NKAIN3: variants seen among roughly 807,000 people sequenced by gnomAD.
The protein encoded by NKAIN3 is sodium/potassium transporting ATPase interacting 3, also known as sodium/potassium-transporting ATPase subunit beta-1-interacting protein 3.
In NKAIN3, 25 loss-of-function variants were observed where a neutral mutation model predicts 30.2. That is an observed-to-expected ratio of 0.83 (90% CI 0.60 to 1.16). The LOEUF is 1.16. Ranked by LOEUF, NKAIN3 falls within the 50% of genes most tolerant of loss-of-function variation. NKAIN3 has a pLI of 0.00. For missense variants in NKAIN3, 225 were observed against 254.1 expected, an observed-to-expected ratio of 0.89 and a Z score of 0.78; for synonymous variants, 91 against 89.6, an observed-to-expected ratio of 1.02 and a Z score of -0.09.
chr8:62,478,057 G>A (rs1395789310), intron 1 of NKAIN3, among the ~76,000 whole-genome samples: 2 of 152,138 alleles, frequency 1.3e-5, no homozygotes, highest in African/African-American at 2.4e-5. Flanking sequence ...CCCCACTCAT[G>A]ACCTAATAAC....
intron 4 of NKAIN3, among the ~76,000 whole-genome samples, chr8:62,839,295 G>T (rs1819460207): frequency 6.8e-6 from 1 of 147,232 alleles, no homozygotes; most frequent in Non-Finnish European, 1.5e-5. Context: ...TAGAGGATTT[G>T]CCTACATTAA....
At chr8:62,271,262 G>A (rs940499650) in intron 1 of NKAIN3, among the ~76,000 whole-genome samples, 2 of 152,102 alleles carry the variant, frequency 1.3e-5, no homozygotes, top group African/African-American at 4.8e-5. Flanking sequence ...CACAAATGAG[G>A]TTTTTTATTC....
At chr8:62,456,387 C>T (rs1334742066) in intron 1 of NKAIN3, among the ~76,000 whole-genome samples, 2 of 151,950 alleles carry the variant, frequency 1.3e-5, no homozygotes, top group African/African-American at 2.4e-5. Flanking sequence ...GGCGTGGTGG[C>T]GGGCGCCTGT....
intron 3 of NKAIN3, among the ~76,000 whole-genome samples, chr8:62,635,421 C>T (rs899748018): frequency 6.6e-6 from 1 of 152,154 alleles, no homozygotes; most frequent in Middle Eastern, 3.2e-3. Flanking sequence ...GGAGGGTCCT[C>T]CCTTCCACCA....
intron 1 of NKAIN3, among the ~76,000 whole-genome samples, chr8:62,439,929 T>G (rs150478930): frequency 1.1e-4 from 16 of 152,336 alleles, no homozygotes; most frequent in African/African-American, 3.8e-4. Context: ...ATAGATTTAC[T>G]TTAATCGGTT....
At chr8:62,556,938 T>G (rs1043895242) in intron 1 of NKAIN3, among the ~76,000 whole-genome samples, 1 of 152,080 alleles carries the variant, frequency 6.6e-6, no homozygotes, top group African/African-American at 2.4e-5. Context: ...AATATACTTT[T>G]AAATTTTTTT....
At chr8:62,434,239 G>A (rs906628948) in intron 1 of NKAIN3, among the ~76,000 whole-genome samples, 3 of 152,192 alleles carry the variant, frequency 2.0e-5, no homozygotes, top group Non-Finnish European at 2.9e-5. Context: ...TAGCATTTGA[G>A]CTGAGTCACA....
intron 5 of NKAIN3, among the ~76,000 whole-genome samples, chr8:62,948,347 G>A (rs112175263): frequency 0.31 from 47,326 of 151,740 alleles, 7,923 homozygotes; most frequent in African/African-American, 0.41. Context: ...TTACAGGCAC[G>A]CGCCACCACG....
intron 5 of NKAIN3, among the ~76,000 whole-genome samples, chr8:62,923,529 C>A (rs1822342148): frequency 6.6e-6 from 1 of 152,050 alleles, no homozygotes; most frequent in African/African-American, 2.4e-5. Flanking sequence ...ATTTTTAATG[C>A]AATTAGATAT....
chr8:62,959,433 G>GGT (rs35737951), intron 6 of NKAIN3, among the ~76,000 whole-genome samples: 24,727 of 143,092 alleles, frequency 0.17, 2,153 homozygotes, highest in East Asian at 0.29. Flanking sequence ...GACAAATCAG[G>GGT]GTGTGTGTGT....
At chr8:62,308,349 TA>T (rs1043951835) in intron 1 of NKAIN3, among the ~76,000 whole-genome samples, 1 of 150,188 alleles carries the variant, frequency 6.7e-6, no homozygotes, top group Non-Finnish European at 1.5e-5. Context: ...TCATTCAAGC[TA>T]ATGCATAAAG....
chr8:62,565,497 G>A (rs1222362554), intron 1 of NKAIN3, among the ~76,000 whole-genome samples: 12 of 152,034 alleles, frequency 7.9e-5, no homozygotes, highest in Admixed American at 7.2e-4. Context: ...GGGAAACCGA[G>A]GCACAGAGTT....
At chr8:62,554,619 A>G (rs1355177886) in intron 1 of NKAIN3, among the ~76,000 whole-genome samples, 1 of 152,234 alleles carries the variant, frequency 6.6e-6, no homozygotes, top group Non-Finnish European at 1.5e-5. Flanking sequence ...AATTTATTTT[A>G]AATGGTACTA....
At chr8:62,492,366 AG>A (rs1215318678) in intron 1 of NKAIN3, among the ~76,000 whole-genome samples, 4 of 152,266 alleles carry the variant, frequency 2.6e-5, no homozygotes, top group Non-Finnish European at 5.9e-5. Flanking sequence ...TAGATGCCCA[AG>A]CCCCACCTCA....
At position 62,311,723 on chromosome 8, in the gene NKAIN3, C is replaced by T. The variant is rs1173207899; in HGVS notation, c.54+62596C>T. The stretch of plus-strand genomic sequence containing the variant: ...ACGTGCCACCTGGGGCACACGAAGA[C>T]TGCGTGGGGTGCTCCTGTGTGTGAA... On this transcript the variant is annotated intron_variant, in intron 1 of 6. Coordinates refer to ENST00000623646, the MANE Select transcript of NKAIN3 (RefSeq NM_001304533.3). 2.0e-5 allele frequency among the ~76,000 whole-genome samples: 3 copies of T among 150,606 alleles called. No homozygotes were observed. In the East Asian group the frequency reaches 5.8e-4, roughly 29 times the overall value.
chr8:62,334,809 T>A (rs1160728872), intron 1 of NKAIN3, among the ~76,000 whole-genome samples: 1 of 152,050 alleles, frequency 6.6e-6, no homozygotes, highest in Non-Finnish European at 1.5e-5. Flanking sequence ...AAAATGGTTT[T>A]GTTCATAGCT....
intron 1 of NKAIN3, among the ~76,000 whole-genome samples, chr8:62,572,943 A>T (rs1171437495): frequency 1.3e-5 from 2 of 152,158 alleles, no homozygotes; most frequent in Non-Finnish European, 2.9e-5. Context: ...CTCTATATAC[A>T]TTGCTTGAGG....
intron 3 of NKAIN3, among the ~76,000 whole-genome samples, chr8:62,720,923 C>T (rs1199231322): frequency 6.6e-6 from 1 of 152,188 alleles, no homozygotes; most frequent in Non-Finnish European, 1.5e-5. Context: ...TCCAGACTTA[C>T]TTGAACTACA....
intron 1 of NKAIN3, among the ~76,000 whole-genome samples, chr8:62,456,152 C>T (rs1805809954): frequency 6.6e-6 from 1 of 152,160 alleles, no homozygotes; most frequent in South Asian, 2.1e-4. Flanking sequence ...TTTTGGGTCA[C>T]AGTTGGCCAC....
Sources: gnomAD v4.1 joint callset for allele counts (sites outside exome capture counted in the v4.1 genomes callset) on GRCh38, gnomAD v4.1.1 for gene constraint, MANE v1.5 for transcripts, NCBI Gene and HGNC (gene_info 2026-07-23, HGNC 2026-07-21) for gene names.